PIGK: variants seen among roughly 807,000 people sequenced by gnomAD.
PIGK encodes the protein GPI-anchor transamidase.
A neutral mutation model predicts 50.6 loss-of-function variants in PIGK; 42 were observed. The ratio of observed to expected loss-of-function variants is 0.83; its 90% CI spans 0.65 to 1.07. PIGK has a LOEUF of 1.07. Among genes scored for constraint, PIGK ranks in the 50% least tolerant of loss-of-function variants. The pLI, the probability that PIGK is intolerant of heterozygous loss-of-function variation, is 0.00. For synonymous variants in PIGK, 151 were observed against 156.0 expected, an observed-to-expected ratio of 0.97 and a Z score of 0.24; for missense variants, 448 against 488.7, an observed-to-expected ratio of 0.92 and a Z score of 0.78.
At chr1:77,114,985 T>C (rs1201386570) in intron 10 of PIGK, among the ~76,000 whole-genome samples, 1 of 152,202 alleles carries the variant, frequency 6.6e-6, no homozygotes, top group Non-Finnish European at 1.5e-5. Flanking sequence ...CAGATATTGA[T>C]AATTCAATAG....
rs2100504414 is a variant in PIGK at position 77,092,209 on chromosome 1, A to G, written c.*165T>C. ...TTAGTGCCATTAAGCAGTTGCATTA[A>G]CAATTATTTTTCTTTAAGTTATAAA... On this transcript the variant is annotated 3_prime_UTR_variant, in exon 11 of 11. Coordinates refer to ENST00000370812, the MANE Select transcript of PIGK (RefSeq NM_005482.3). 2.2e-6 allele frequency: 1 copy of G among 448,542 alleles called. No individual in the cohort carries two copies. The highest frequency in any genetic ancestry group is 3.9e-6 in the Non-Finnish European group (1 of 255,740). The allele number at this position is 448,542 out of a possible 1,614,324, so 27.8% of individuals were successfully genotyped here.
At chr1:77,096,894 TTTTG>T (rs1262012103) in intron 10 of PIGK, among the ~76,000 whole-genome samples, 1 of 146,584 alleles carries the variant, frequency 6.8e-6, no homozygotes, top group African/African-American at 2.6e-5. Flanking sequence ...TTTTTTTTTT[TTTTG>T]TTTTTTTGTT....
chr1:77,206,819 A>T, intron 2 of PIGK, 88 bp from the exon 3 acceptor site: 1 of 770,122 alleles, frequency 1.3e-6, no homozygotes, highest in South Asian at 1.5e-5. Flanking sequence ...GGATACAGAG[A>T]TCTCTAAGAA....
chr1:77,148,948 C>A (rs527557413), intron 9 of PIGK, among the ~76,000 whole-genome samples: 1 of 150,976 alleles, frequency 6.6e-6, no homozygotes, highest in African/African-American at 2.4e-5. Context: ...ATCTCCTGAC[C>A]TAGTGATCTG....
chr1:77,152,656 CA>C (rs1400874453), intron 9 of PIGK, among the ~76,000 whole-genome samples: 1 of 149,536 alleles, frequency 6.7e-6, no homozygotes, highest in Non-Finnish European at 1.5e-5. Context: ...AACTCAATGG[CA>C]AAAAACAAAA....
chr1:77,211,390 G>A (rs1196744685), intron 1 of PIGK, among the ~76,000 whole-genome samples: 5 of 151,672 alleles, frequency 3.3e-5, no homozygotes, highest in African/African-American at 1.2e-4. Context: ...TTACATAAAG[G>A]TTGTACTATA....
chr1:77,137,855 C>T (rs1026540936), intron 9 of PIGK, among the ~76,000 whole-genome samples: 5 of 152,174 alleles, frequency 3.3e-5, no homozygotes, highest in Admixed American at 2.0e-4. Flanking sequence ...TTGTCCACCT[C>T]GGCCTCCCAA....
At chr1:77,196,034 G>A (rs187644648) in intron 3 of PIGK, among the ~76,000 whole-genome samples, 260 of 152,098 alleles carry the variant, frequency 1.7e-3, no homozygotes, top group African/African-American at 6.0e-3. Flanking sequence ...ATGTGCATGT[G>A]TACTCAATGC....
chr1:77,170,600 T>C (rs1051530451), intron 3 of PIGK, among the ~76,000 whole-genome samples: 5 of 152,222 alleles, frequency 3.3e-5, no homozygotes, highest in African/African-American at 9.6e-5. Flanking sequence ...TCATACTACA[T>C]ACTAGGGCCT....
intron 10 of PIGK, among the ~76,000 whole-genome samples, chr1:77,107,757 A>T (rs1200436896): frequency 1.3e-5 from 2 of 152,146 alleles, no homozygotes; most frequent in Non-Finnish European, 2.9e-5. Flanking sequence ...GACTTGCTTT[A>T]TGAATCTGGG....
At chr1:77,213,229 G>A (rs1656460145) in intron 1 of PIGK, among the ~76,000 whole-genome samples, 2 of 152,130 alleles carry the variant, frequency 1.3e-5, no homozygotes, top group Admixed American at 1.3e-4. Context: ...GACATTTACA[G>A]GACATTTCTT....
chr1:77,215,649 C>G (rs893995331), intron 1 of PIGK, among the ~76,000 whole-genome samples: 5 of 152,108 alleles, frequency 3.3e-5, no homozygotes, highest in Non-Finnish European at 7.4e-5. Context: ...TTCACAATAA[C>G]CAAGATATAG....
chr1:77,096,881 C>CTTTTTTTTTTTTTTTTTGTTTTTTTTT (rs141858558), intron 10 of PIGK, among the ~76,000 whole-genome samples: 1 of 124,310 alleles, frequency 8.0e-6, no homozygotes, highest in Non-Finnish European at 1.7e-5. Context: ...TCGGGTTTTT[C>CTTTTTTTTTTTTTTTTTGTTTTTTTTT]TTTTTTTTTT....
chr1:77,204,590 T>C (rs528618888), intron 3 of PIGK, among the ~76,000 whole-genome samples: 50 of 152,248 alleles, frequency 3.3e-4, no homozygotes, highest in Admixed American at 1.3e-3. Flanking sequence ...GGGGGAATCA[T>C]AGAACCTGCC....
At chr1:77,107,016 T>C (rs113847216) in intron 10 of PIGK, among the ~76,000 whole-genome samples, 128 of 152,328 alleles carry the variant, frequency 8.4e-4, no homozygotes, top group African/African-American at 2.9e-3. Flanking sequence ...TCTATCAATT[T>C]TGTTGATCTT....
At chr1:77,098,779 A>G (rs753429772) in intron 10 of PIGK, among the ~76,000 whole-genome samples, 2 of 152,226 alleles carry the variant, frequency 1.3e-5, no homozygotes, top group Non-Finnish European at 2.9e-5. Context: ...AATCAGTAAG[A>G]CACAAGGGTA....
intron 9 of PIGK, among the ~76,000 whole-genome samples, chr1:77,140,337 AC>A (rs1387743242): frequency 2.0e-5 from 3 of 146,800 alleles, no homozygotes; most frequent in Non-Finnish European, 4.5e-5. Flanking sequence ...CTCTCCCCCA[AC>A]CCCCCTGCCC....
At chr1:77,092,669 T>C (rs1311625689) in intron 10 of PIGK, among the ~76,000 whole-genome samples, 179 bp from the exon 11 acceptor site, 1 of 152,140 alleles carries the variant, frequency 6.6e-6, no homozygotes, top group Non-Finnish European at 1.5e-5. Context: ...GTAAATATCC[T>C]ACAGGGTAAA....
chr1:77,180,479 G>A (rs1338322977), intron 3 of PIGK, among the ~76,000 whole-genome samples: 2 of 152,236 alleles, frequency 1.3e-5, no homozygotes, highest in African/African-American at 2.4e-5. Context: ...CTAGTGAAGT[G>A]TGAACCCCCA....
Sources: allele counts gnomAD v4.1 joint callset (sites outside exome capture counted in the v4.1 genomes callset), GRCh38; gene constraint gnomAD v4.1.1; transcripts MANE v1.5; gene names NCBI Gene and HGNC (gene_info 2026-07-23, HGNC 2026-07-21).